Variants in LYST observed in about 807,000 individuals in gnomAD.
The protein encoded by LYST is lysosomal trafficking regulator.
Under a neutral mutation model 413.6 loss-of-function variants are expected in LYST, and 192 were observed. The observed-to-expected ratio is 0.46, with a 90% CI of 0.41 to 0.52. LYST has a LOEUF of 0.52. Among genes scored for constraint, LYST ranks in the 20% least tolerant of loss-of-function variants. The pLI, the probability that LYST is intolerant of heterozygous loss-of-function variation, is 0.00. For missense variants in LYST, 3,815 were observed against 4,499.9 expected (o/e 0.85, Z 4.35); for synonymous variants, 1,525 against 1,567.3 (o/e 0.97, Z 0.64).
chr1:235,741,900 T>A (rs1002054949), intron 30 of LYST, among the ~76,000 whole-genome samples: 1 of 152,114 alleles, frequency 6.6e-6, no homozygotes, highest in African/African-American at 2.4e-5. Context: ...AAATGTGGTA[T>A]ATACATACAA....
chr1:235,782,254 C>T (rs1040815721), intron 14 of LYST, among the ~76,000 whole-genome samples, 167 bp from the exon 15 acceptor site: 4 of 151,602 alleles, frequency 2.6e-5, no homozygotes, highest in African/African-American at 7.3e-5. Flanking sequence ...CTGCAAGCTC[C>T]GCCTCCTGGG....
chr1:235,871,823 C>G (rs756307766), upstream of LYST, among the ~76,000 whole-genome samples: 2 of 152,170 alleles, frequency 1.3e-5, no homozygotes, highest in Non-Finnish European at 2.9e-5. Flanking sequence ...GGACAAGATC[C>G]CTTTTCCGGT....
chr1:235,681,242 C>A (rs140865907), intron 48 of LYST, among the ~76,000 whole-genome samples: 2 of 152,158 alleles, frequency 1.3e-5, no homozygotes, highest in Non-Finnish European at 2.9e-5. Context: ...GCACTCTGGG[C>A]TAAGAAGACA....
intron 1 of LYST, among the ~76,000 whole-genome samples, chr1:235,866,382 G>T (rs995692696): frequency 6.6e-6 from 1 of 152,214 alleles, no homozygotes; most frequent in Non-Finnish European, 1.5e-5. Context: ...CGGCTGGGTG[G>T]TGGCGCGGAA....
chr1:235,753,150 G>A lies in LYST; in HGVS notation c.7354C>T (p.Leu2452Phe), dbSNP rs1288447730. 18 of 1,607,722 alleles carry A rather than the reference G, an allele frequency of 1.1e-5. No individual in the cohort carries two copies. Among genetic ancestry groups the A allele is most frequent in the Non-Finnish European group, 1.5e-5 (18 of 1,174,690 alleles). The change falls in exon 26 of 53, where the codon CTC (leucine) becomes TTC (phenylalanine). Residue 2452 changes from leucine to phenylalanine, a missense_variant. Transcript: ENST00000389793. ...TTAGAACAAGAATTTAAAATTTGGA[G>A]AAGAAGTAAAAGAGCATTATGCAAG... Reference protein sequence around the residue: ...ILLHNALLLLLQILNSCSKVA... With the variant: ...ILLHNALLLLFQILNSCSKVA...
intron 5 of LYST, among the ~76,000 whole-genome samples, chr1:235,807,899 G>A (rs896184945): frequency 6.6e-6 from 1 of 151,836 alleles, no homozygotes; most frequent in Non-Finnish European, 1.5e-5. Context: ...ATCATTTTAT[G>A]TATTATTTTA....
At chr1:235,790,396 T>C (rs905636921) in intron 12 of LYST, among the ~76,000 whole-genome samples, 2 of 152,222 alleles carry the variant, frequency 1.3e-5, no homozygotes, top group South Asian at 2.1e-4. Flanking sequence ...CTTGTTAAGA[T>C]TAAAAATGTA....
chr1:235,866,734 C>T (rs982131448), intron 1 of LYST, 109 bp downstream of exon 1: 1 of 152,312 alleles, frequency 6.6e-6, no homozygotes, highest in African/African-American at 2.4e-5. Flanking sequence ...CGGCCCTCAA[C>T]CCAGGCTGAC....
intron 10 of LYST, among the ~76,000 whole-genome samples, chr1:235,798,578 T>TAAAAAAAAAAAAAAAAA (rs71174462): frequency 2.0e-4 from 16 of 81,712 alleles, no homozygotes; most frequent in Non-Finnish European, 2.4e-4. Context: ...AACCCTGTCA[T>TAAAAAAAAAAAAAAAAA]AAAAAAAAAA....
At position 235,751,208 on chromosome 1, in the gene LYST, G is replaced by A. The variant is rs760108842; in HGVS notation, c.7780+2C>T. 21 of 1,612,800 alleles carry A rather than the reference G, an allele frequency of 1.3e-5. No homozygotes were observed. The highest frequency in any genetic ancestry group is 7.7e-5 in the South Asian group (7 of 91,064). ...TTATTAAAATATGATTTCAATACTCGCCAGCAATGCTTTTCCGCTTTTGAA... is the reference window on the plus strand; with the variant it reads ...TTATTAAAATATGATTTCAATACTCACCAGCAATGCTTTTCCGCTTTTGAA... On this transcript the variant is annotated splice_donor_variant, in intron 28 of 52. Coordinates refer to ENST00000389793, the MANE Select transcript of LYST (RefSeq NM_000081.4). LOFTEE classifies it low-confidence loss of function (GC_TO_GT_DONOR).
intron 19 of LYST, among the ~76,000 whole-genome samples, chr1:235,771,416 G>C (rs1668657401): frequency 6.6e-6 from 1 of 152,068 alleles, no homozygotes; most frequent in Non-Finnish European, 1.5e-5. Flanking sequence ...AAATTTGCCT[G>C]CTCTTTTGAA....
intron 45 of LYST, among the ~76,000 whole-genome samples, chr1:235,698,441 G>A (rs566050090): frequency 6.6e-6 from 1 of 152,292 alleles, no homozygotes; most frequent in Non-Finnish European, 1.5e-5. Context: ...AGTATCTCTG[G>A]AAAAGCTTAA....
intron 31 of LYST, among the ~76,000 whole-genome samples, chr1:235,739,893 G>A (rs1179963653): frequency 6.6e-6 from 1 of 152,126 alleles, no homozygotes; most frequent in Non-Finnish European, 1.5e-5. Context: ...GACAACCACA[G>A]TTAAAAATTT....
intron 21 of LYST, among the ~76,000 whole-genome samples, chr1:235,764,663 C>T (rs1448875687): frequency 6.6e-6 from 1 of 151,562 alleles, no homozygotes; most frequent in African/African-American, 2.4e-5. Context: ...CCATGCCAGG[C>T]TAATTTTTTT....
At chr1:235,872,705 A>G (rs1680988278) in intron 1 of LYST, among the ~76,000 whole-genome samples, 1 of 152,142 alleles carries the variant, frequency 6.6e-6, no homozygotes, top group Admixed American at 6.5e-5. Flanking sequence ...ACTTGAGTTC[A>G]GGAGTTCGAG....
At position 235,782,736 on chromosome 1, in the gene LYST, G is replaced by A. The variant is rs574324910; in HGVS notation, c.4863-649C>T. 2.5e-4 allele frequency among the ~76,000 whole-genome samples: 38 copies of A among 152,246 alleles called. No homozygotes were observed. The South Asian group carries it at 7.0e-3, about 28-fold the overall frequency. On this transcript the variant is annotated intron_variant, in intron 14 of 52. Transcript: ENST00000389793. ...CACCTCCCCTTAATTTTGCCAAGAA[G>A]TCTCCCATCTTGACAAACAATTCCA...
At chr1:235,726,170 A>G (rs1157180817) in intron 38 of LYST, among the ~76,000 whole-genome samples, 1 of 151,940 alleles carries the variant, frequency 6.6e-6, no homozygotes, top group Non-Finnish European at 1.5e-5. Context: ...TTCTGTGTTG[A>G]CTAACAGGAA....
At chr1:235,823,757 T>G (rs1303941268) in intron 3 of LYST, among the ~76,000 whole-genome samples, 12 of 152,240 alleles carry the variant, frequency 7.9e-5, no homozygotes, top group Admixed American at 7.9e-4. Flanking sequence ...TCCTGCCTCT[T>G]TACATCGCCA....
At chr1:235,675,471 C>T (rs145611231) in intron 50 of LYST, among the ~76,000 whole-genome samples, 8 of 152,268 alleles carry the variant, frequency 5.3e-5, no homozygotes, top group Non-Finnish European at 1.0e-4. Context: ...ATCGGTCGGT[C>T]GGACGCAGGC....
Sources: gnomAD v4.1 joint callset for allele counts (sites outside exome capture counted in the v4.1 genomes callset) on GRCh38, gnomAD v4.1.1 for gene constraint, MANE v1.5 for transcripts, NCBI Gene and HGNC (gene_info 2026-07-23, HGNC 2026-07-21) for gene names.